Variants in SLC24A2 observed in about 807,000 individuals in gnomAD.
SLC24A2 encodes solute carrier family 24 member 2, also known as sodium/potassium/calcium exchanger 2.
Under a neutral mutation model 62.0 loss-of-function variants are expected in SLC24A2, and 36 were observed. The observed-to-expected ratio is 0.58, with a 90% CI of 0.44 to 0.77. The LOEUF is 0.77. SLC24A2 is among the 30% of genes least tolerant of loss of function. The pLI, the probability that SLC24A2 is intolerant of heterozygous loss-of-function variation, is 0.00. For synonymous variants in SLC24A2, 358 were observed against 294.0 expected (o/e 1.22, Z -2.23); for missense variants, 846 against 817.9 (o/e 1.03, Z -0.42).
chr9:20,022,416 C>T, the SLC24A2 span, among the ~76,000 whole-genome samples: 1 of 152,142 alleles, frequency 6.6e-6, no homozygotes, highest in South Asian at 2.1e-4. Context: ...AGGACTAAGG[C>T]ACAGAACAAT....
chr9:20,182,937 T>C, the SLC24A2 span, among the ~76,000 whole-genome samples: 381 of 152,346 alleles, frequency 2.5e-3, no homozygotes, highest in Non-Finnish European at 4.3e-3. Context: ...AAGATTCCTT[T>C]AAGAGGCAAC....
At chr9:20,054,655 T>A in the SLC24A2 span, among the ~76,000 whole-genome samples, 1 of 152,032 alleles carries the variant, frequency 6.6e-6, no homozygotes, top group Non-Finnish European at 1.5e-5. Context: ...ATAGCTTAGA[T>A]CCCTCAGTTT....
intron 2 of SLC24A2, among the ~76,000 whole-genome samples, chr9:19,707,461 T>C (rs1820567331): frequency 6.6e-6 from 1 of 152,124 alleles, no homozygotes; most frequent in Non-Finnish European, 1.5e-5. Flanking sequence ...CAAAAAAGAA[T>C]TTTAGACCAG....
At chr9:19,738,192 G>C (rs1292118958) in intron 2 of SLC24A2, among the ~76,000 whole-genome samples, 4 of 152,136 alleles carry the variant, frequency 2.6e-5, no homozygotes, top group African/African-American at 9.7e-5. Context: ...TTTTACCTTA[G>C]TGCTTCTGTC....
At chr9:19,595,324 A>G (rs1836676684) in intron 5 of SLC24A2, among the ~76,000 whole-genome samples, 1 of 152,208 alleles carries the variant, frequency 6.6e-6, no homozygotes, top group Non-Finnish European at 1.5e-5. Context: ...GTGACATCCT[A>G]TGAAACCAGC....
chr9:20,272,885 A>T, the SLC24A2 span, among the ~76,000 whole-genome samples: 1 of 152,212 alleles, frequency 6.6e-6, no homozygotes, highest in South Asian at 2.1e-4. Flanking sequence ...CAAGGAGCCC[A>T]GTGGTGATAT....
chr9:19,767,753 C>G (rs1587295139), intron 2 of SLC24A2, among the ~76,000 whole-genome samples: 1 of 152,214 alleles, frequency 6.6e-6, no homozygotes, highest in South Asian at 2.1e-4. Flanking sequence ...ATTCAGCCAA[C>G]TTGACCAGGA....
the SLC24A2 span, among the ~76,000 whole-genome samples, chr9:19,818,198 T>C: frequency 9.3e-3 from 1,411 of 152,196 alleles, 20 homozygotes; most frequent in African/African-American, 0.032. Context: ...GTAACATTCC[T>C]CCAGTTCATC....
chr9:19,760,525 AC>A (rs769947604), intron 2 of SLC24A2, among the ~76,000 whole-genome samples: 4 of 149,072 alleles, frequency 2.7e-5, no homozygotes, highest in African/African-American at 7.5e-5. Flanking sequence ...CTTGTCCCTG[AC>A]CCCCCCAACA....
intron 2 of SLC24A2, among the ~76,000 whole-genome samples, chr9:19,707,392 C>T (rs1820564749): frequency 6.6e-6 from 1 of 152,186 alleles, no homozygotes; most frequent in Non-Finnish European, 1.5e-5. Flanking sequence ...GGGAATCCTC[C>T]CTAACTCATT....
the SLC24A2 span, among the ~76,000 whole-genome samples, chr9:19,939,516 C>T: frequency 2.5e-3 from 382 of 152,282 alleles, no homozygotes; most frequent in Non-Finnish European, 3.6e-3. Flanking sequence ...GCGCTTACCA[C>T]GCCTGGAGCT....
intron 5 of SLC24A2, among the ~76,000 whole-genome samples, chr9:19,578,075 G>A (rs191283588): frequency 1.3e-5 from 2 of 151,502 alleles, no homozygotes; most frequent in Admixed American, 6.6e-5. Context: ...AATAGACTTT[G>A]GGGACTTGGG....
At chr9:19,790,767 G>A (rs1490339330), upstream of SLC24A2, among the ~76,000 whole-genome samples, 2 of 152,110 alleles carry the variant, frequency 1.3e-5, no homozygotes, top group Non-Finnish European at 2.9e-5. Flanking sequence ...TTTTTACCCT[G>A]CCTTTGTCTA....
At chr9:19,567,776 G>C (rs1420097540) in intron 7 of SLC24A2, among the ~76,000 whole-genome samples, 1 of 151,088 alleles carries the variant, frequency 6.6e-6, no homozygotes, top group Non-Finnish European at 1.5e-5. Context: ...CAACAACAAT[G>C]GATCAGCAGT....
At chr9:20,307,735 T>C in the SLC24A2 span, among the ~76,000 whole-genome samples, 28 of 152,300 alleles carry the variant, frequency 1.8e-4, no homozygotes, top group Non-Finnish European at 3.4e-4. Flanking sequence ...AAACCAAATC[T>C]AGGCTCAGAG....
chr9:20,237,853 A>G, the SLC24A2 span, among the ~76,000 whole-genome samples: 4 of 152,162 alleles, frequency 2.6e-5, no homozygotes, highest in South Asian at 4.1e-4. Flanking sequence ...AGATAGAAGT[A>G]GTCTCCTCAT....
chr9:19,850,405 G>A, the SLC24A2 span, among the ~76,000 whole-genome samples: 3 of 152,116 alleles, frequency 2.0e-5, no homozygotes, highest in East Asian at 5.8e-4. Flanking sequence ...AATGTGCAAA[G>A]CATATATATA....
upstream of SLC24A2, among the ~76,000 whole-genome samples, chr9:19,791,066 C>A (rs1207754186): frequency 6.6e-6 from 1 of 152,122 alleles, no homozygotes; most frequent in Non-Finnish European, 1.5e-5. Context: ...TTAAACCAAA[C>A]AAGAATTTAT....
chr9:20,211,504 C>T, the SLC24A2 span, among the ~76,000 whole-genome samples: 4 of 152,042 alleles, frequency 2.6e-5, no homozygotes, highest in African/African-American at 7.2e-5. Flanking sequence ...AAGAGCGAGA[C>T]TCCATCTCAA....
Sources: allele counts gnomAD v4.1 joint callset (sites outside exome capture counted in the v4.1 genomes callset), GRCh38; gene constraint gnomAD v4.1.1; transcripts MANE v1.5; gene names NCBI Gene and HGNC (gene_info 2026-07-23, HGNC 2026-07-21).